The following DPYD variants were observed in gnomAD, a reference collection of about 807,000 sequenced individuals.
DPYD encodes the protein dihydropyrimidine dehydrogenase, also known as dihydropyrimidine dehydrogenase [NADP(+)].
A neutral mutation model predicts 116.2 loss-of-function variants in DPYD; 109 were observed. The ratio of observed to expected loss-of-function variants is 0.94; its 90% CI spans 0.80 to 1.10. The LOEUF (loss-of-function observed/expected upper bound fraction) is 1.10. Ranked by LOEUF, DPYD falls within the 50% of genes least tolerant of loss-of-function variation. DPYD has a pLI of 0.00. For synonymous variants in DPYD, 440 were observed against 432.0 expected (o/e 1.02, Z -0.23); for missense variants, 1,302 against 1,254.5 (o/e 1.04, Z -0.57).
chr1:97,226,181 T>A (rs963424633), intron 19 of DPYD, among the ~76,000 whole-genome samples: 1 of 152,006 alleles, frequency 6.6e-6, no homozygotes, highest in Admixed American at 6.6e-5. Flanking sequence ...TCCGACAAAA[T>A]TGAACATCTT....
intron 8 of DPYD, among the ~76,000 whole-genome samples, chr1:97,642,432 A>G (rs573655939): frequency 1.3e-5 from 2 of 152,076 alleles, no homozygotes; most frequent in East Asian, 3.9e-4. Flanking sequence ...CTCAGAAATA[A>G]TGCCACACAT....
intron 20 of DPYD, among the ~76,000 whole-genome samples, chr1:97,186,111 CT>C (rs1397815213): frequency 6.6e-6 from 1 of 152,124 alleles, no homozygotes; most frequent in African/African-American, 2.4e-5. Context: ...TTACACATTT[CT>C]TTGGACACTG....
chr1:97,465,353 AC>A (rs1343711138), intron 13 of DPYD, among the ~76,000 whole-genome samples: 2 of 151,982 alleles, frequency 1.3e-5, no homozygotes. Context: ...ATTCTGGGGG[AC>A]TGTTGGGAAG....
chr1:97,809,071 G>A (rs1332075794), intron 3 of DPYD, among the ~76,000 whole-genome samples: 1 of 152,130 alleles, frequency 6.6e-6, no homozygotes, highest in Non-Finnish European at 1.5e-5. Flanking sequence ...GGATCACATA[G>A]GGCATTGTCA....
intron 18 of DPYD, chr1:97,280,140 C>A (rs994956425): frequency 6.6e-6 from 1 of 152,116 alleles, no homozygotes; most frequent in Non-Finnish European, 1.5e-5. Context: ...GGCTTCCAAT[C>A]AACTTTTTAA....
chr1:97,734,405 A>G (rs1235893100), intron 4 of DPYD, among the ~76,000 whole-genome samples: 2 of 152,280 alleles, frequency 1.3e-5, no homozygotes, highest in Admixed American at 6.5e-5. Context: ...TCCAGCACCA[A>G]TACTACATTG....
chr1:97,509,397 A>C (rs2101956388), intron 13 of DPYD, among the ~76,000 whole-genome samples: 1 of 152,108 alleles, frequency 6.6e-6, no homozygotes, highest in South Asian at 2.1e-4. Context: ...AAAATATGGT[A>C]TGAAAATTGT....
chr1:97,866,660 G>C (rs1671393792), intron 2 of DPYD, among the ~76,000 whole-genome samples: 1 of 151,886 alleles, frequency 6.6e-6, no homozygotes, highest in Non-Finnish European at 1.5e-5. Context: ...AAATTCTGTA[G>C]AGAAAATAAA....
chr1:97,664,582 A>G (rs774100230), intron 8 of DPYD, among the ~76,000 whole-genome samples: 44 of 152,198 alleles, frequency 2.9e-4, no homozygotes, highest in Non-Finnish European at 5.9e-4. Flanking sequence ...TATAAAAACT[A>G]TAAGTCAAAA....
chr1:97,472,966 GT>G (rs1185728633), intron 13 of DPYD, among the ~76,000 whole-genome samples: 1 of 151,954 alleles, frequency 6.6e-6, no homozygotes, highest in Non-Finnish European at 1.5e-5. Flanking sequence ...AGTTGCCTTT[GT>G]TTTTTTGTGG....
chr1:97,754,463 T>C (rs1665118791), intron 3 of DPYD, among the ~76,000 whole-genome samples: 1 of 152,182 alleles, frequency 6.6e-6, no homozygotes, highest in African/African-American at 2.4e-5. Context: ...GCACTGACAA[T>C]GCTGTCACAG....
intron 16 of DPYD, among the ~76,000 whole-genome samples, chr1:97,371,874 T>A (rs1054670827): frequency 6.6e-6 from 1 of 152,218 alleles, no homozygotes; most frequent in African/African-American, 2.4e-5. Flanking sequence ...AGCCAAGATA[T>A]CATGGTTTTT....
chr1:97,687,559 A>G (rs1429486939), intron 7 of DPYD, among the ~76,000 whole-genome samples: 1 of 152,192 alleles, frequency 6.6e-6, no homozygotes, highest in Non-Finnish European at 1.5e-5. Flanking sequence ...CATGTGGAAA[A>G]CAGTGTGGCA....
chr1:97,391,739 T>C (rs1672716305), intron 14 of DPYD, among the ~76,000 whole-genome samples: 1 of 152,034 alleles, frequency 6.6e-6, no homozygotes, highest in Non-Finnish European at 1.5e-5. Context: ...CAAAGTATTC[T>C]AAAGAGACAA....
intron 3 of DPYD, among the ~76,000 whole-genome samples, chr1:97,818,135 A>T (rs1266387679): frequency 1.3e-5 from 2 of 151,982 alleles, no homozygotes; most frequent in Non-Finnish European, 2.9e-5. Context: ...TGTTGTTTCA[A>T]ACAGATACAT....
At chr1:97,226,351 C>T (rs558490929) in intron 19 of DPYD, among the ~76,000 whole-genome samples, 8 of 152,198 alleles carry the variant, frequency 5.3e-5, no homozygotes, top group African/African-American at 1.7e-4. Flanking sequence ...CCACTCTCCT[C>T]ATTTTTACTC....
At chr1:97,793,654 AAAAAC>A (rs1339593285) in intron 3 of DPYD, among the ~76,000 whole-genome samples, 1 of 152,186 alleles carries the variant, frequency 6.6e-6, no homozygotes, top group Admixed American at 6.5e-5. Context: ...TGAAAAAAAC[AAAAAC>A]AAAACAAAAC....
At chr1:97,307,311 A>G (rs911070179) in intron 16 of DPYD, among the ~76,000 whole-genome samples, 1 of 151,814 alleles carries the variant, frequency 6.6e-6, no homozygotes, top group African/African-American at 2.4e-5. Context: ...CCAGAGAAAT[A>G]CAGTCATATA....
intron 21 of DPYD, among the ~76,000 whole-genome samples, chr1:97,090,822 C>T (rs371921014): frequency 7.8e-4 from 119 of 152,284 alleles, no homozygotes; most frequent in Non-Finnish European, 5.1e-4. Flanking sequence ...ACATCTCCAT[C>T]GAGATTACAA....
Sources: allele counts gnomAD v4.1 joint callset (sites outside exome capture counted in the v4.1 genomes callset), GRCh38; gene constraint gnomAD v4.1.1; transcripts MANE v1.5; gene names NCBI Gene and HGNC (gene_info 2026-07-23, HGNC 2026-07-21).